The following CHD9 variants were observed in gnomAD, a reference collection of about 807,000 sequenced individuals.
CHD9 encodes the protein ATP-dependent chromatin remodeler CHD9.
CHD9 carries 77 observed loss-of-function variants against 316.1 expected under a neutral mutation model. That is an observed-to-expected ratio of 0.24 (90% CI 0.20 to 0.29). The LOEUF (loss-of-function observed/expected upper bound fraction) is 0.29. Among genes scored for constraint, CHD9 ranks in the 10% least tolerant of loss-of-function variants. The pLI is 1.00. For missense variants in CHD9, 2,763 were observed against 3,438.1 expected (o/e 0.80, Z 4.91); for synonymous variants, 1,129 against 1,158.3 (o/e 0.97, Z 0.51).
chr16:53,056,562 G>A (rs79900685), intron 1 of CHD9, among the ~76,000 whole-genome samples: 1 of 152,156 alleles, frequency 6.6e-6, no homozygotes, highest in African/African-American at 2.4e-5. Context: ...TTGAACCCAG[G>A]CAGTCTGCTC....
At chr16:53,117,162 A>C (rs974831401) in intron 1 of CHD9, among the ~76,000 whole-genome samples, 1 of 152,144 alleles carries the variant, frequency 6.6e-6, no homozygotes, top group African/African-American at 2.4e-5. Context: ...TAGGTGTAGC[A>C]AACCACCATG....
chr16:53,140,309 T>C (rs1024508583), intron 1 of CHD9, among the ~76,000 whole-genome samples: 1 of 151,128 alleles, frequency 6.6e-6, no homozygotes, highest in African/African-American at 2.4e-5. Flanking sequence ...ATACAAAAAA[T>C]TAGCCAGATG....
At chr16:53,288,232 G>A (rs2054046576) in intron 27 of CHD9, among the ~76,000 whole-genome samples, 1 of 152,182 alleles carries the variant, frequency 6.6e-6, no homozygotes, top group Non-Finnish European at 1.5e-5. Context: ...GGCTGGCTTG[G>A]ACATGTGGAT....
intron 29 of CHD9, among the ~76,000 whole-genome samples, chr16:53,295,462 G>C (rs2054696143): frequency 6.6e-6 from 1 of 152,060 alleles, no homozygotes; most frequent in South Asian, 2.1e-4. Context: ...CTAGCTCACA[G>C]TATTCTATTT....
At chr16:53,089,655 G>T (rs190872374) in intron 1 of CHD9, among the ~76,000 whole-genome samples, 12 of 152,316 alleles carry the variant, frequency 7.9e-5, no homozygotes, top group African/African-American at 2.4e-4. Flanking sequence ...TTCCCTGGCA[G>T]ATCCACTGGG....
chr16:53,286,318 C>A lies in CHD9; in HGVS notation c.5164C>A (p.Gln1722Lys). Residue 1722 changes from glutamine to lysine, a missense_variant, in exon 26 of 39, where the codon CAG becomes AAG. Coordinates refer to ENST00000447540, the MANE Select transcript of CHD9 (RefSeq NM_001308319.2). ...TGATGAGAAAGCAGTTGCTGCTGAA[C>A]AGAGAGCGAATGATTATATGGATGG... ...KPDEKAVAAE[Q>K]RANDYMDGDV... 2 of 1,608,678 alleles carry A rather than the reference C, an allele frequency of 1.2e-6. No individual in the cohort carries two copies. The highest frequency in any genetic ancestry group is 2.2e-5 in the East Asian group (1 of 44,804).
At position 53,324,194 on chromosome 16, in the gene CHD9, C is replaced by A. The variant is rs753709610; in HGVS notation, c.7993C>A (p.Pro2665Thr). The change falls in exon 39 of 39, where the codon CCA (proline) becomes ACA (threonine). Residue 2665 changes from proline to threonine, a missense_variant. Coordinates refer to ENST00000447540, the MANE Select transcript of CHD9 (RefSeq NM_001308319.2). ...TCCTTTGTTAGCCAATGGACTACTT[C>A]CAGGTGTGGATCTCACAACTCTTCA... ...GNPLLANGLL[P>T]GVDLTTLQAL... 3.7e-6 allele frequency: 6 copies of A among 1,614,004 alleles called. No individual in the cohort carries two copies. The South Asian group carries it at 6.6e-5, about 18-fold the overall frequency.
intron 1 of CHD9, among the ~76,000 whole-genome samples, chr16:53,140,667 A>G (rs1384449929): frequency 6.6e-6 from 1 of 152,146 alleles, no homozygotes; most frequent in South Asian, 2.1e-4. Context: ...AGCTCACTGC[A>G]TCCTCAACCT....
intron 2 of CHD9, among the ~76,000 whole-genome samples, chr16:53,188,058 T>G (rs58988553): frequency 0.28 from 42,320 of 152,108 alleles, 5,979 homozygotes; most frequent in Middle Eastern, 0.32. Context: ...TGTCTATGGA[T>G]TTGCCTATTC....
At chr16:53,201,989 A>G (rs2045499536) in intron 2 of CHD9, among the ~76,000 whole-genome samples, 1 of 151,698 alleles carries the variant, frequency 6.6e-6, no homozygotes, top group Non-Finnish European at 1.5e-5. Flanking sequence ...CTCCCAAGCA[A>G]CTCGGACTAC....
At chr16:53,116,094 C>A (rs1353847868) in intron 1 of CHD9, among the ~76,000 whole-genome samples, 1 of 152,196 alleles carries the variant, frequency 6.6e-6, no homozygotes, top group African/African-American at 2.4e-5. Context: ...GAGTCTCACT[C>A]TGTTGCCTGG....
chr16:53,135,708 C>T (rs548427626), intron 1 of CHD9, among the ~76,000 whole-genome samples: 5 of 152,212 alleles, frequency 3.3e-5, no homozygotes, highest in East Asian at 1.9e-4. Flanking sequence ...GAATGATAAG[C>T]GCCTTAGAAT....
intron 2 of CHD9, among the ~76,000 whole-genome samples, chr16:53,201,191 T>C (rs1405696874): frequency 3.3e-5 from 5 of 152,212 alleles, no homozygotes; most frequent in Non-Finnish European, 2.9e-5. Context: ...TTTAATGTTT[T>C]CAGCAAGTAG....
At chr16:53,308,037 C>G (rs1335463692) in intron 33 of CHD9, 84 bp downstream of exon 33, 1 of 1,180,460 alleles carries the variant, frequency 8.5e-7, no homozygotes, top group South Asian at 1.6e-5. Context: ...CCTGCTCTTA[C>G]TCTTCCTTCC....
At chr16:53,142,485 T>A (rs1567367448) in intron 1 of CHD9, among the ~76,000 whole-genome samples, 1 of 152,218 alleles carries the variant, frequency 6.6e-6, no homozygotes, top group Non-Finnish European at 1.5e-5. Flanking sequence ...GAGGTTTGTT[T>A]GTTTTTTGTA....
chr16:53,067,850 C>T (rs2033662295), intron 1 of CHD9, among the ~76,000 whole-genome samples: 1 of 151,906 alleles, frequency 6.6e-6, no homozygotes, highest in Non-Finnish European at 1.5e-5. Context: ...CACTAGAGCC[C>T]AGGAGTTTGG....
chr16:53,245,306 T>G lies in CHD9; in HGVS notation c.3055-30T>G. 1 of 1,469,586 alleles carries G rather than the reference T, an allele frequency of 6.8e-7. No homozygotes were observed. The highest frequency in any genetic ancestry group is 9.0e-7 in the Non-Finnish European group (1 of 1,110,424). 91.0% of individuals were successfully genotyped at this position (1,469,586 alleles called of 1,614,324 possible). On this transcript the variant is annotated intron_variant, in intron 13 of 38. Coordinates refer to ENST00000447540, the MANE Select transcript of CHD9 (RefSeq NM_001308319.2). This position sits in a 1 kb window ranked among gnomAD's most constrained non-coding sequence, Gnocchi z 4.1. Reference sequence around the variant, plus strand: ...TTCATATAATTTTAGTACTGTGATGTTTGATGTGAATTGTTCTCACTTTTT... The same window carrying G: ...TTCATATAATTTTAGTACTGTGATGGTTGATGTGAATTGTTCTCACTTTTT...
chr16:53,238,027 T>A (rs1288794263), intron 11 of CHD9, among the ~76,000 whole-genome samples: 3 of 152,192 alleles, frequency 2.0e-5, no homozygotes, highest in African/African-American at 7.2e-5. Context: ...TCTCATACTG[T>A]CCTGAGATAC....
intron 1 of CHD9, among the ~76,000 whole-genome samples, chr16:53,148,543 G>A (rs552981455): frequency 6.6e-6 from 1 of 152,162 alleles, no homozygotes; most frequent in Non-Finnish European, 1.5e-5. Context: ...ACCATTCCTG[G>A]TAGGTGTGAA....
Sources: gnomAD v4.1 joint callset for allele counts (sites outside exome capture counted in the v4.1 genomes callset) on GRCh38, gnomAD v4.1.1 for gene constraint, Gnocchi (gnomAD v3.1) non-coding constraint, MANE v1.5 for transcripts, NCBI Gene and HGNC (gene_info 2026-07-23, HGNC 2026-07-21) for gene names.